Variants in SORBS2 observed in about 807,000 individuals in gnomAD.
SORBS2 encodes sorbin and SH3 domain containing 2.
A neutral mutation model predicts 97.7 loss-of-function variants in SORBS2; 46 were observed. The observed-to-expected ratio is 0.47, with a 90% CI of 0.37 to 0.60. The LOEUF (loss-of-function observed/expected upper bound fraction) is 0.60, where lower values mean the gene tolerates loss of function less well. Ranked by LOEUF, SORBS2 falls within the 20% of genes least tolerant of loss-of-function variation. The pLI is 0.00. For synonymous variants in SORBS2, 476 were observed against 473.4 expected, an observed-to-expected ratio of 1.01 and a Z score of -0.07; for missense variants, 1,316 against 1,282.3, an observed-to-expected ratio of 1.03 and a Z score of -0.40.
At chr4:185,749,806 T>C (rs537178383) in intron 2 of SORBS2, among the ~76,000 whole-genome samples, 30 of 152,358 alleles carry the variant, frequency 2.0e-4, no homozygotes, top group African/African-American at 6.5e-4. Context: ...CAGCTCTTAA[T>C]GCAACCAAAG....
chr4:185,745,937 T>A (rs373976651), intron 2 of SORBS2, among the ~76,000 whole-genome samples: 4 of 152,140 alleles, frequency 2.6e-5, no homozygotes, highest in South Asian at 2.1e-4. Flanking sequence ...TTGTTGTCTC[T>A]ACAGAAAGAG....
intron 12 of SORBS2, among the ~76,000 whole-genome samples, chr4:185,600,945 A>G (rs1282546967): frequency 2.6e-5 from 4 of 152,046 alleles, no homozygotes; most frequent in Non-Finnish European, 5.9e-5. Flanking sequence ...CTTTCATATG[A>G]CAGTGAGTAA....
chr4:185,672,221 A>C (rs2097723651), intron 4 of SORBS2, among the ~76,000 whole-genome samples: 1 of 152,370 alleles, frequency 6.6e-6, no homozygotes, highest in African/African-American at 2.4e-5. Flanking sequence ...ATGGAGCAAA[A>C]GAAATGAGTT....
At chr4:185,768,375 A>C (rs1225968047) in intron 2 of SORBS2, among the ~76,000 whole-genome samples, 1 of 152,158 alleles carries the variant, frequency 6.6e-6, no homozygotes, top group Non-Finnish European at 1.5e-5. Flanking sequence ...AAGGCTTTGA[A>C]TCTCTCACCA....
At chr4:185,598,285 A>AT (rs559041788) in intron 12 of SORBS2, among the ~76,000 whole-genome samples, 4 of 151,544 alleles carry the variant, frequency 2.6e-5, no homozygotes, top group Non-Finnish European at 4.4e-5. Flanking sequence ...CTAAATATGT[A>AT]TTTTTTTCTG....
chr4:185,955,108 C>T (rs1205286141), intron 1 of SORBS2, among the ~76,000 whole-genome samples: 1 of 152,120 alleles, frequency 6.6e-6, no homozygotes, highest in Non-Finnish European at 1.5e-5. Flanking sequence ...AAAATGTTAG[C>T]CCTGATAATT....
intron 1 of SORBS2, among the ~76,000 whole-genome samples, chr4:185,859,159 G>C (rs1186382540): frequency 2.6e-5 from 4 of 152,136 alleles, no homozygotes; most frequent in African/African-American, 9.7e-5. Context: ...TTTCTGCTGG[G>C]TCTTTAAAAA....
intron 1 of SORBS2, among the ~76,000 whole-genome samples, chr4:185,863,345 C>G (rs910802669): frequency 1.3e-5 from 2 of 152,126 alleles, no homozygotes; most frequent in African/African-American, 4.8e-5. Context: ...TATTTTAATT[C>G]AGTTAGGGAG....
At chr4:185,641,315 G>A (rs1192380918) in intron 4 of SORBS2, among the ~76,000 whole-genome samples, 1 of 152,102 alleles carries the variant, frequency 6.6e-6, no homozygotes, top group Non-Finnish European at 1.5e-5. Flanking sequence ...ATGATAGCTG[G>A]TAATTATCGA....
intron 1 of SORBS2, among the ~76,000 whole-genome samples, chr4:185,874,364 C>T (rs75847387): frequency 0.072 from 10,882 of 152,092 alleles, 517 homozygotes; most frequent in Non-Finnish European, 0.1. Flanking sequence ...TTTATGAAGG[C>T]GGTGAAATTA....
At chr4:185,628,093 C>T (rs1201485438) in intron 5 of SORBS2, among the ~76,000 whole-genome samples, 1 of 152,192 alleles carries the variant, frequency 6.6e-6, no homozygotes, top group African/African-American at 2.4e-5. Context: ...TATTGAAGGA[C>T]ATCTTGGTTG....
chr4:185,671,398 G>T (rs1463822914), intron 4 of SORBS2, among the ~76,000 whole-genome samples: 1 of 152,242 alleles, frequency 6.6e-6, no homozygotes, highest in Non-Finnish European at 1.5e-5. Context: ...AGAGGTAGCA[G>T]AGGCTAGTGG....
chr4:185,683,919 G>A (rs553991777), intron 2 of SORBS2, among the ~76,000 whole-genome samples: 75 of 152,218 alleles, frequency 4.9e-4, no homozygotes, highest in Admixed American at 3.3e-3. Flanking sequence ...ATTATTTAAA[G>A]ATGCCCCATC....
At chr4:185,626,330 T>C (rs943807661) in intron 6 of SORBS2, among the ~76,000 whole-genome samples, 1 of 152,260 alleles carries the variant, frequency 6.6e-6, no homozygotes. Context: ...GCCCAAAATA[T>C]ACAGCAAATG....
intron 12 of SORBS2, among the ~76,000 whole-genome samples, chr4:185,600,891 G>A (rs908796022): frequency 6.6e-6 from 1 of 150,722 alleles, no homozygotes; most frequent in Non-Finnish European, 1.5e-5. Context: ...CCAACCTGTG[G>A]GCTGGACTGT....
At chr4:185,599,472 A>C (rs2096202530) in intron 12 of SORBS2, among the ~76,000 whole-genome samples, 2 of 152,362 alleles carry the variant, frequency 1.3e-5, no homozygotes, top group Admixed American at 6.5e-5. Flanking sequence ...TCCAGACAGC[A>C]GTATGGGGAC....
At chr4:185,870,576 C>G (rs1337877627) in intron 1 of SORBS2, among the ~76,000 whole-genome samples, 2 of 152,346 alleles carry the variant, frequency 1.3e-5, no homozygotes, top group Non-Finnish European at 2.9e-5. Flanking sequence ...CAGCTCGTGT[C>G]TGAGGTTGGC....
chr4:185,622,865 G>A (rs749781185), intron 7 of SORBS2, 49 bp downstream of exon 19: 3 of 1,506,860 alleles, frequency 2.0e-6, no homozygotes, highest in South Asian at 1.3e-5. Flanking sequence ...GAAAGAGCTG[G>A]AGGGTGGGTC....
At position 185,629,087 on chromosome 4, in the gene SORBS2, G is replaced by A. The variant is rs73028092; in HGVS notation, c.446+1462C>T. Among the ~76,000 whole-genome samples the A allele has an allele frequency of 1.8e-3, 272 of 152,298 alleles. 5 individuals are homozygous for A. The highest frequency in any genetic ancestry group is 6.1e-3 in the African/African-American group (254 of 41,550). On this transcript the variant is annotated intron_variant, in intron 5 of 14. Transcript: ENST00000418609. ...TCTTATTTAGCCCACACAGCAAACC[G>A]ATGAGGTATATGCTGTTATCTCAGT... is the stretch of plus-strand genomic sequence containing the variant.
Sources: gnomAD v4.1 joint callset for allele counts (sites outside exome capture counted in the v4.1 genomes callset) on GRCh38, gnomAD v4.1.1 for gene constraint, MANE v1.5 for transcripts, NCBI Gene and HGNC (gene_info 2026-07-23, HGNC 2026-07-21) for gene names.